The following ALDH3B1 variants were observed in gnomAD, a reference collection of about 807,000 sequenced individuals.
ALDH3B1 encodes the protein aldehyde dehydrogenase 3 family member B1, also known as aldehyde dehydrogenase family 3 member B1.
Under a neutral mutation model 46.2 loss-of-function variants are expected in ALDH3B1, and 37 were observed. That is an observed-to-expected ratio of 0.80 (90% CI 0.62 to 1.05). The LOEUF is 1.05. ALDH3B1 is among the 50% of genes least tolerant of loss of function. ALDH3B1 has a pLI of 0.00. For missense variants in ALDH3B1, 603 were observed against 665.5 expected (o/e 0.91, Z 1.03); for synonymous variants, 283 against 281.0 (o/e 1.01, Z -0.07).
intron 2 of ALDH3B1, chr11:68,017,506 C>G (rs1048466037): frequency 6.6e-6 from 1 of 152,556 alleles, no homozygotes; most frequent in Non-Finnish European, 1.5e-5. Flanking sequence ...CTGCCTCAGC[C>G]AGGGAGCCAG....
intron 6 of ALDH3B1, 87 bp from the exon 7 acceptor site, chr11:68,021,387 ACTCCACCACCT>A: frequency 6.6e-7 from 1 of 1,509,216 alleles, no homozygotes; most frequent in Non-Finnish European, 8.9e-7. Flanking sequence ...CTGCCCGCTG[ACTCCACCACCT>A]CTCCAGGGAG....
rs531840352 is a variant in ALDH3B1, at chr11:68,023,990, C to A, written c.1116+1229C>A. Among the ~76,000 whole-genome samples the A allele has an allele frequency of 5.5e-4, 83 of 150,436 alleles. 1 individual carries two copies. In the East Asian group the frequency reaches 0.013, roughly 23 times the overall value. On this transcript the variant is annotated intron_variant, in intron 8 of 9. Transcript: ENST00000342456. ...ACCCATAAAAAAAAAAAAAAAGTGA[C>A]AGCAGTGCTTTACTATTAACTACAC...
In ALDH3B1 at chr11:68,027,865, C is replaced by T. The variant is rs1422318111; in HGVS notation, c.1333C>T (p.Pro445Ser). 1 of 1,561,228 alleles carries T rather than the reference C, an allele frequency of 6.4e-7. No homozygotes were observed. The highest frequency in any genetic ancestry group is 1.2e-5 in the South Asian group (1 of 84,734). ...MEKLNALRYP[P>S]QSPRRLRMLL... is the part of the protein sequence containing the mutation. ...GAAGCTCAACGCCCTCCGCTACCCG[C>T]CGCAATCGCCGCGCCGCCTGAGGAT... is the stretch of plus-strand genomic sequence containing the variant. Residue 445 changes from proline to serine, a missense_variant, in exon 10 of 10, where the codon CCG becomes TCG. Pro to Ser is a moderately conservative substitution (Grantham distance 74, BLOSUM62 -1). Coordinates refer to ENST00000342456, the MANE Select transcript of ALDH3B1 (RefSeq NM_000694.4).
intron 6 of ALDH3B1, among the ~76,000 whole-genome samples, chr11:68,020,796 G>A (rs1857472953): frequency 6.6e-6 from 1 of 152,206 alleles, no homozygotes; most frequent in Admixed American, 6.5e-5. Flanking sequence ...GGGGAGAAAT[G>A]CCAGGGCCAT....
upstream of ALDH3B1, chr11:68,010,322 C>T (rs1857203000): frequency 6.6e-6 from 1 of 152,406 alleles, no homozygotes; most frequent in African/African-American, 2.4e-5. Flanking sequence ...CTGCGTTGGA[C>T]ATTTCTTAAC....
At chr11:68,026,520 C>T (rs1318873226) in intron 9 of ALDH3B1, among the ~76,000 whole-genome samples, 4 of 152,086 alleles carry the variant, frequency 2.6e-5, no homozygotes, top group African/African-American at 9.7e-5. Context: ...CCCCATCCCC[C>T]CTCCAGCTCT....
intron 8 of ALDH3B1, among the ~76,000 whole-genome samples, chr11:68,025,583 C>T (rs1389244262): frequency 6.6e-6 from 1 of 152,160 alleles, no homozygotes; most frequent in Non-Finnish European, 1.5e-5. Flanking sequence ...ACTCTGTCTG[C>T]AGTGCCCTCT....
At chr11:68,010,077 C>T (rs1857197626), upstream of ALDH3B1, among the ~76,000 whole-genome samples, 1 of 152,116 alleles carries the variant, frequency 6.6e-6, no homozygotes, top group African/African-American at 2.4e-5. Context: ...CCCTGCTGCA[C>T]AGCCTCTCCT....
At chr11:68,022,435 A>G in intron 7 of ALDH3B1, among the ~76,000 whole-genome samples, 160 bp from the exon 8 acceptor site, 1 of 151,936 alleles carries the variant, frequency 6.6e-6, no homozygotes, top group East Asian at 1.9e-4. Flanking sequence ...CTGTGGGGAG[A>G]CTTTCTTCCC....
chr11:68,019,501 C>T (rs560041152), intron 5 of ALDH3B1, among the ~76,000 whole-genome samples: 1 of 152,346 alleles, frequency 6.6e-6, no homozygotes, highest in Admixed American at 6.5e-5. Flanking sequence ...TCAGCCCCTC[C>T]AGCGCCAGCT....
upstream of ALDH3B1, chr11:68,008,771 C>T (rs1256964583): frequency 2.0e-5 from 3 of 152,296 alleles, no homozygotes; most frequent in Admixed American, 6.5e-5. Flanking sequence ...GCCCCGGGGC[C>T]GGGAGCTACG....
intron 6 of ALDH3B1, 118 bp from the exon 7 acceptor site, chr11:68,021,367 G>GCCCT: frequency 1.4e-6 from 2 of 1,454,022 alleles, no homozygotes; most frequent in Non-Finnish European, 1.9e-6. Flanking sequence ...GAAAGGCCAG[G>GCCCT]CGAGGGCTGC....
At position 68,019,211 on chromosome 11, in the gene ALDH3B1, G is replaced by A. The variant is rs755218225; in HGVS notation, c.436G>A (p.Val146Ile). 49 of 1,613,574 alleles carry A rather than the reference G, an allele frequency of 3.0e-5. No homozygotes were observed. The East Asian group carries it at 6.2e-4, about 21-fold the overall frequency. ...GAAGCCATCGGAGATTAGCAAGAAC[G>A]TCGAGAAGATCCTGGCCGAGGTGCT... ...VLKPSEISKN[V>I]EKILAEVLPQ... Residue 146 changes from valine to isoleucine, a missense_variant, in exon 5 of 10, where the codon GTC becomes ATC. Coordinates refer to ENST00000342456, the MANE Select transcript of ALDH3B1 (RefSeq NM_000694.4).
At chr11:68,023,846 AGC>A (rs1018488360) in intron 8 of ALDH3B1, among the ~76,000 whole-genome samples, 2 of 151,938 alleles carry the variant, frequency 1.3e-5, no homozygotes, top group African/African-American at 2.4e-5. Context: ...GTTTGAGACC[AGC>A]GCTGGCAATA....
chr11:68,018,068 G>A (rs184944326), intron 2 of ALDH3B1: 73 of 156,092 alleles, frequency 4.7e-4, no homozygotes, highest in Non-Finnish European at 8.6e-4. Context: ...CAGTACCCAC[G>A]ACTTGCTTGT....
intron 2 of ALDH3B1, 39 bp downstream of exon 2, chr11:68,015,498 C>T: frequency 6.4e-7 from 1 of 1,560,070 alleles, no homozygotes; most frequent in Non-Finnish European, 8.7e-7. Flanking sequence ...TGCACTGGGG[C>T]AGGGGGGCAT....
At position 68,027,867 on chromosome 11, in the gene ALDH3B1, G is replaced by C; in HGVS notation, c.1335G>C (p.Pro445=). Residue 445 remains proline (P), a synonymous_variant, in exon 10 of 10, where the codon CCG becomes CCC. Transcript: ENST00000342456. Reference sequence around the variant, plus strand: ...AGCTCAACGCCCTCCGCTACCCGCCGCAATCGCCGCGCCGCCTGAGGATGC... The same window carrying C: ...AGCTCAACGCCCTCCGCTACCCGCCCCAATCGCCGCGCCGCCTGAGGATGC... The part of the protein sequence containing the change: ...MEKLNALRYP[P]QSPRRLRMLL... 1 of 1,561,706 alleles carries C rather than the reference G, an allele frequency of 6.4e-7. No homozygotes were observed. The highest frequency in any genetic ancestry group is 8.7e-7 in the Non-Finnish European group (1 of 1,154,448).
chr11:68,015,659 T>A (rs1245068971), intron 2 of ALDH3B1, 200 bp downstream of exon 2: 2 of 752,110 alleles, frequency 2.7e-6, no homozygotes. Flanking sequence ...GCTGAGCACC[T>A]ACTATGTGCC....
At chr11:68,019,819 G>A (rs1410170714) in intron 6 of ALDH3B1, 23 bp downstream of exon 6, 3 of 1,612,664 alleles carry the variant, frequency 1.9e-6, no homozygotes, top group Non-Finnish European at 2.5e-6. Context: ...CGAGGGTCGG[G>A]ACAGGCTGGG....
Sources: gnomAD v4.1 joint callset for allele counts (sites outside exome capture counted in the v4.1 genomes callset) on GRCh38, gnomAD v4.1.1 for gene constraint, MANE v1.5 for transcripts, NCBI Gene and HGNC (gene_info 2026-07-23, HGNC 2026-07-21) for gene names.